MYRIP: variants seen among roughly 807,000 people sequenced by gnomAD.
The protein encoded by MYRIP is myosin VIIA and Rab interacting protein.
A neutral mutation model predicts 98.0 loss-of-function variants in MYRIP; 49 were observed. The observed-to-expected ratio is 0.50, with a 90% CI of 0.40 to 0.63. The LOEUF is 0.63. Among genes scored for constraint, MYRIP ranks in the 30% least tolerant of loss-of-function variants. The pLI, the probability that MYRIP is intolerant of heterozygous loss-of-function variation, is 0.00. For missense variants in MYRIP, 1,004 were observed against 1,058.2 expected (o/e 0.95, Z 0.71); for synonymous variants, 404 against 409.5 (o/e 0.99, Z 0.16).
intron 1 of MYRIP, among the ~76,000 whole-genome samples, chr3:39,878,336 C>G (rs189711311): frequency 6.6e-6 from 1 of 152,286 alleles, no homozygotes; most frequent in East Asian, 1.9e-4. Context: ...AGCTCGAGCA[C>G]AGTGCGCTGC....
chr3:39,880,992 CTTTG>C (rs529431701), intron 1 of MYRIP, among the ~76,000 whole-genome samples: 1 of 151,978 alleles, frequency 6.6e-6, no homozygotes, highest in Non-Finnish European at 1.5e-5. Context: ...ACTATTTTCT[CTTTG>C]TTTGTTTTGG....
At chr3:39,883,477 G>A (rs1434800480) in intron 1 of MYRIP, among the ~76,000 whole-genome samples, 1 of 152,062 alleles carries the variant, frequency 6.6e-6, no homozygotes, top group East Asian at 1.9e-4. Context: ...CAGATACTGA[G>A]TTATCAGACA....
chr3:40,104,914 T>C (rs1277019279), intron 3 of MYRIP, among the ~76,000 whole-genome samples: 1 of 152,180 alleles, frequency 6.6e-6, no homozygotes, highest in Non-Finnish European at 1.5e-5. Flanking sequence ...TAAAAAGCCT[T>C]TCAACTTTTT....
chr3:40,192,548 T>A (rs2125634332), intron 10 of MYRIP, among the ~76,000 whole-genome samples: 1 of 151,660 alleles, frequency 6.6e-6, no homozygotes, highest in Middle Eastern at 3.4e-3. Context: ...TAAAGTACAT[T>A]TAGAAATATA....
At chr3:40,050,464 A>C (rs527977202) in intron 3 of MYRIP, among the ~76,000 whole-genome samples, 6 of 119,838 alleles carry the variant, frequency 5.0e-5, no homozygotes, top group Admixed American at 2.5e-4. Context: ...ACTGCTCAGA[A>C]AAAAAAAAAG....
intron 4 of MYRIP, among the ~76,000 whole-genome samples, chr3:40,151,827 G>T (rs1950128990): frequency 6.6e-6 from 1 of 152,186 alleles, no homozygotes; most frequent in Non-Finnish European, 1.5e-5. Context: ...CTTTCTATCT[G>T]GTGGCAGATT....
At position 39,820,289 on chromosome 3, in the gene MYRIP, T is replaced by TCAA. The variant is rs1941066076; in HGVS notation, c.-31+10373_-31+10374insCAA. Among the ~76,000 whole-genome samples, 5 of 152,328 alleles carry TCAA rather than the reference T, an allele frequency of 3.3e-5. No homozygotes were observed. In the South Asian group the frequency reaches 1.0e-3, roughly 32 times the overall value. ...TGAAATGTAACTATCTCAAAGTGTG[T>TCAA]TGGGTCATTTTCTAGTCTGTCAAGC... On this transcript the variant is annotated intron_variant, in intron 1 of 16. Coordinates refer to ENST00000302541, the MANE Select transcript of MYRIP (RefSeq NM_015460.4).
rs1046095815 is a variant in MYRIP, at chr3:40,204,827, G to A, written c.1666-5027G>A. 2.6e-5 allele frequency among the ~76,000 whole-genome samples: 4 copies of A among 152,046 alleles called. No homozygotes were observed. The South Asian group carries it at 6.2e-4, about 24-fold the overall frequency. The stretch of plus-strand genomic sequence containing the variant: ...CTCTGCAGTGATGGGGACCCTGCTC[G>A]TCAGGTCATTTCTCTGCCTCACTGG... On this transcript the variant is annotated intron_variant, in intron 10 of 16. Coordinates refer to ENST00000302541, the MANE Select transcript of MYRIP (RefSeq NM_015460.4).
At chr3:40,033,892 C>G (rs932261530) in intron 2 of MYRIP, among the ~76,000 whole-genome samples, 17 of 152,142 alleles carry the variant, frequency 1.1e-4, no homozygotes, top group Non-Finnish European at 1.3e-4. Context: ...CAATGGAACA[C>G]AACAGAGCCC....
At chr3:40,029,742 C>T (rs1317806514) in intron 2 of MYRIP, among the ~76,000 whole-genome samples, 1 of 151,858 alleles carries the variant, frequency 6.6e-6, no homozygotes, top group African/African-American at 2.4e-5. Flanking sequence ...TACAACACAC[C>T]AGTAAAGGAC....
At chr3:40,158,949 A>G (rs1950310886) in intron 4 of MYRIP, among the ~76,000 whole-genome samples, 1 of 152,080 alleles carries the variant, frequency 6.6e-6, no homozygotes, top group Admixed American at 6.5e-5. Flanking sequence ...ACTCTATCCA[A>G]TTTGCCAGTC....
chr3:39,952,583 C>T (rs1009811574), intron 2 of MYRIP, among the ~76,000 whole-genome samples: 1 of 152,056 alleles, frequency 6.6e-6, no homozygotes, highest in Admixed American at 6.6e-5. Context: ...GTCTATATTC[C>T]TGATGGTCTA....
intron 2 of MYRIP, among the ~76,000 whole-genome samples, chr3:40,021,491 G>C (rs559513726): frequency 7.9e-5 from 12 of 152,310 alleles, no homozygotes; most frequent in South Asian, 2.1e-4. Flanking sequence ...GAGATCCTCT[G>C]AGCCTGTGTT....
At chr3:39,985,747 C>T (rs1946016269) in intron 2 of MYRIP, among the ~76,000 whole-genome samples, 1 of 151,938 alleles carries the variant, frequency 6.6e-6, no homozygotes, top group South Asian at 2.1e-4. Flanking sequence ...GAAAAACTGG[C>T]TAGCCATATG....
chr3:40,217,977 A>G (rs2371131), intron 11 of MYRIP, among the ~76,000 whole-genome samples: 138,948 of 152,104 alleles, frequency 0.91, 63,736 homozygotes, highest in Non-Finnish European at 0.95. Context: ...GTTTGGTAGG[A>G]TGGCCTATCA....
chr3:40,061,179 C>G (rs892631205), intron 3 of MYRIP, among the ~76,000 whole-genome samples: 4 of 152,092 alleles, frequency 2.6e-5, no homozygotes, highest in Non-Finnish European at 4.4e-5. Flanking sequence ...TATTTCATTA[C>G]CCAGTTATTA....
intron 2 of MYRIP, among the ~76,000 whole-genome samples, chr3:39,981,945 AAAAC>A (rs1559547335): frequency 6.6e-6 from 1 of 152,170 alleles, no homozygotes; most frequent in Non-Finnish European, 1.5e-5. Flanking sequence ...CACACACAAA[AAAAC>A]AAACATAGTT....
intron 11 of MYRIP, among the ~76,000 whole-genome samples, chr3:40,228,607 C>T (rs954867436): frequency 1.3e-5 from 2 of 152,210 alleles, no homozygotes; most frequent in African/African-American, 4.8e-5. Flanking sequence ...GTCCCTTCAG[C>T]TTCTGCCTGT....
intron 1 of MYRIP, among the ~76,000 whole-genome samples, chr3:39,854,804 T>A (rs537015829): frequency 7.2e-5 from 11 of 152,332 alleles, no homozygotes; most frequent in Non-Finnish European, 1.3e-4. Context: ...CAAGCCCTGC[T>A]GTTCAGATTC....
Sources: gnomAD v4.1 joint callset for allele counts (sites outside exome capture counted in the v4.1 genomes callset) on GRCh38, gnomAD v4.1.1 for gene constraint, MANE v1.5 for transcripts, NCBI Gene and HGNC (gene_info 2026-07-23, HGNC 2026-07-21) for gene names.